The following LYRM7 variants were observed in gnomAD, a reference collection of about 807,000 sequenced individuals.
The protein encoded by LYRM7 is LYR motif containing 7, also known as complex III assembly factor LYRM7.
Under a neutral mutation model 15.8 loss-of-function variants are expected in LYRM7, and 9 were observed. The observed-to-expected ratio is 0.57, with a 90% CI of 0.34 to 0.99. LYRM7 has a LOEUF of 0.99. Ranked by LOEUF, LYRM7 falls within the 50% of genes least tolerant of loss-of-function variation. The probability of loss-of-function intolerance (pLI) is 0.02; values close to 1 mark genes in which losing one functional copy is unlikely to be tolerated. For missense variants in LYRM7, 115 were observed against 119.1 expected, an observed-to-expected ratio of 0.97 and a Z score of 0.16; for synonymous variants, 39 against 39.4, an observed-to-expected ratio of 0.99 and a Z score of 0.04.
intron 4 of LYRM7, among the ~76,000 whole-genome samples, chr5:131,188,409 T>TTA (rs1561546644): frequency 7.7e-6 from 1 of 129,456 alleles, no homozygotes; most frequent in African/African-American, 2.9e-5. Context: ...AAGCCACATG[T>TTA]AAAAAAAAAA....
chr5:131,176,925 C>T (rs1324803429), intron 1 of LYRM7, among the ~76,000 whole-genome samples: 1 of 152,090 alleles, frequency 6.6e-6, no homozygotes, highest in Non-Finnish European at 1.5e-5. Flanking sequence ...TATATATACA[C>T]CACATTTTCT....
Position 131,201,979 on chromosome 5 carries a change from A to G in LYRM7, c.*2378A>G, listed in dbSNP as rs1756077028. ...CTCCCAAATAGCTGAGACTAGAGGT[A>G]TGCGCCACCACACCTAGCTATTTTT... On this transcript the variant is annotated 3_prime_UTR_variant, in exon 5 of 5. Coordinates refer to ENST00000379380, the MANE Select transcript of LYRM7 (RefSeq NM_181705.4). The G allele has an allele frequency of 6.6e-6, 1 of 152,014 alleles. No homozygotes were observed. The highest frequency in any genetic ancestry group is 1.5e-5 in the Non-Finnish European group (1 of 68,024). 9.4% of individuals were successfully genotyped at this position (152,014 alleles called of 1,614,324 possible). A position where few individuals can be genotyped will look rare whatever the true frequency, so the allele number is the denominator to read the frequency against.
intron 4 of LYRM7, among the ~76,000 whole-genome samples, chr5:131,187,477 G>A (rs558326801): frequency 2.1e-5 from 3 of 143,308 alleles, no homozygotes; most frequent in Non-Finnish European, 4.6e-5. Flanking sequence ...TTGTTTTTTT[G>A]TTTTTGTTTT....
intron 4 of LYRM7, among the ~76,000 whole-genome samples, chr5:131,190,646 A>G (rs1188837010): frequency 6.6e-6 from 1 of 151,706 alleles, no homozygotes; most frequent in Non-Finnish European, 1.5e-5. Flanking sequence ...GCTTGCCACC[A>G]CGCCCAGCTA....
At chr5:131,177,719 C>T (rs1475916439) in intron 1 of LYRM7, among the ~76,000 whole-genome samples, 1 of 152,110 alleles carries the variant, frequency 6.6e-6, no homozygotes, top group African/African-American at 2.4e-5. Flanking sequence ...TGGTGGAACC[C>T]TTTCTATCTT....
Position 131,187,076 on chromosome 5 carries a change from A to T in LYRM7, c.211A>T (p.Ile71Leu). The T allele has an allele frequency of 6.4e-7, 1 of 1,564,118 alleles. No homozygotes were observed. The highest frequency in any genetic ancestry group is 1.2e-5 in the South Asian group (1 of 85,686). ...TGAATTATTACTCAGAACATCTGTT[A>T]TACAAGGTATTCACACAGACCACAA... is the stretch of plus-strand genomic sequence containing the variant. Reference protein sequence around the residue: ...DVELLLRTSVIQGIHTDHNTL... With the variant: ...DVELLLRTSVLQGIHTDHNTL... The change falls in exon 4 of 5, where the codon ATA becomes TTA. Residue 71 changes from isoleucine to leucine, a missense_variant. Transcript: ENST00000379380.
At chr5:131,185,742 A>G (rs1440426455) in intron 3 of LYRM7, among the ~76,000 whole-genome samples, 2 of 152,192 alleles carry the variant, frequency 1.3e-5, no homozygotes, top group South Asian at 4.1e-4. Flanking sequence ...GCAGTGAGTT[A>G]TGATTACACC....
Position 131,184,646 on chromosome 5 carries a change from G to GGC in LYRM7, c.162+2348_162+2349insCG, listed in dbSNP as rs879828866. 4.2e-4 allele frequency among the ~76,000 whole-genome samples: 61 copies of GGC among 144,412 alleles called. 2 individuals carry two copies. The highest frequency in any genetic ancestry group is 1.5e-3 in the Admixed American group (22 of 15,098). 94.7% of individuals were successfully genotyped at this position (144,412 alleles called of 152,430 possible). ...CAAATGGAATTTTTTTTGGCGGGGG[G>GGC]GGGGTTCCAGGATTCATGCAGACCA... On this transcript the variant is annotated intron_variant, in intron 3 of 4. Transcript: ENST00000379380.
intron 1 of LYRM7, among the ~76,000 whole-genome samples, chr5:131,172,298 C>T (rs983576169): frequency 2.6e-5 from 4 of 152,244 alleles, no homozygotes; most frequent in Admixed American, 1.3e-4. Context: ...CCTGTAATCC[C>T]GCTACTCGGG....
At chr5:131,189,911 TC>T in intron 4 of LYRM7, among the ~76,000 whole-genome samples, 1 of 152,160 alleles carries the variant, frequency 6.6e-6, no homozygotes, top group South Asian at 2.1e-4. Context: ...GGTGGGCAAA[TC>T]ACCTGAGCTC....
chr5:131,201,104 A>G lies in LYRM7; in HGVS notation c.*1503A>G, dbSNP rs1326301263. On this transcript the variant is annotated 3_prime_UTR_variant, in exon 5 of 5. Coordinates refer to ENST00000379380, the MANE Select transcript of LYRM7 (RefSeq NM_181705.4). ...GCTGAGGCGGGCAGATCACAAGGTC[A>G]GGAGTTCGAGACCAGCCTGGCCAAT... The G allele has an allele frequency of 6.6e-6, 1 of 151,680 alleles. No individual in the cohort carries two copies. Among genetic ancestry groups the G allele is most frequent in the Non-Finnish European group, 1.5e-5 (1 of 67,938 alleles). 9.4% of individuals were successfully genotyped at this position (151,680 alleles called of 1,614,324 possible). A position where few individuals can be genotyped will look rare whatever the true frequency, so the allele number is the denominator to read the frequency against.
intron 4 of LYRM7, among the ~76,000 whole-genome samples, chr5:131,192,071 A>G (rs889203469): frequency 7.1e-5 from 10 of 141,352 alleles, no homozygotes; most frequent in Non-Finnish European, 1.2e-4. Flanking sequence ...ACACACACAC[A>G]CACACACACA....
rs1756153274 is a variant in LYRM7 at position 131,204,983 on chromosome 5, CAAT to C, written c.*5385_*5387del. ...ATATCAACATGTAAGTGTTAAAAGACAATAAGCTACTAGTGATTTTTAATATAA... is the reference window on the plus strand; with the variant it reads ...ATATCAACATGTAAGTGTTAAAAGACAAGCTACTAGTGATTTTTAATATAA... On this transcript the variant is annotated 3_prime_UTR_variant, in exon 5 of 5. Coordinates refer to ENST00000379380, the MANE Select transcript of LYRM7 (RefSeq NM_181705.4). 1 of 152,108 alleles carries C rather than the reference CAAT, an allele frequency of 6.6e-6. No individual in the cohort carries two copies. Among genetic ancestry groups the C allele is most frequent in the Non-Finnish European group, 1.5e-5 (1 of 67,970 alleles). The allele number at this position is 152,108 out of a possible 1,614,324, so 9.4% of individuals were successfully genotyped here.
At chr5:131,198,749 T>TC (rs1338408159) in intron 4 of LYRM7, among the ~76,000 whole-genome samples, 2 of 150,452 alleles carry the variant, frequency 1.3e-5, no homozygotes, top group African/African-American at 4.9e-5. Context: ...TTTTTTTTTT[T>TC]CAGTAGAGAT....
At position 131,204,510 on chromosome 5, in the gene LYRM7, A is replaced by G. The variant is rs1756137831; in HGVS notation, c.*4909A>G. On this transcript the variant is annotated 3_prime_UTR_variant, in exon 5 of 5. Transcript: ENST00000379380. ...CACACACACACACACACACACACAC[A>G]CACAGTTTGGGTATCCCTAATCCAG... 1 of 149,880 alleles carries G rather than the reference A, an allele frequency of 6.7e-6. No individual in the cohort carries two copies. The highest frequency in any genetic ancestry group is 2.5e-5 in the African/African-American group (1 of 40,048). 9.3% of individuals were successfully genotyped at this position (149,880 alleles called of 1,614,324 possible).
chr5:131,193,842 T>C (rs1029156318), intron 4 of LYRM7, among the ~76,000 whole-genome samples: 1 of 152,078 alleles, frequency 6.6e-6, no homozygotes, highest in Non-Finnish European at 1.5e-5. Flanking sequence ...AAACCTCATC[T>C]CTACTAAAAA....
rs563160487 is a variant in LYRM7 at position 131,204,925 on chromosome 5, C to T, written c.*5324C>T. ...TAAGTGAGAACTTTTATTCTATTTA[C>T]TCCTGCACGTTTAAATATTGTTTAC... On this transcript the variant is annotated 3_prime_UTR_variant, in exon 5 of 5. Coordinates refer to ENST00000379380, the MANE Select transcript of LYRM7 (RefSeq NM_181705.4). 5.3e-5 allele frequency: 8 copies of T among 152,334 alleles called. No homozygotes were observed. Among genetic ancestry groups the T allele is most frequent in the African/African-American group, 1.9e-4 (8 of 41,536 alleles). 9.4% of individuals were successfully genotyped at this position (152,334 alleles called of 1,614,324 possible).
chr5:131,191,130 TTAA>T (rs1220396302), intron 4 of LYRM7, among the ~76,000 whole-genome samples: 3 of 151,906 alleles, frequency 2.0e-5, no homozygotes, highest in Non-Finnish European at 2.9e-5. Flanking sequence ...ACATATTGCC[TTAA>T]TAATAGCCTC....
At chr5:131,186,971 G>A (rs1029923518) in intron 3 of LYRM7, 57 bp from the exon 4 acceptor site, 34 of 956,844 alleles carry the variant, frequency 3.6e-5, no homozygotes, top group Non-Finnish European at 5.4e-5. Flanking sequence ...TTCAAAAACA[G>A]TACATTCATA....
Sources: allele counts gnomAD v4.1 joint callset (sites outside exome capture counted in the v4.1 genomes callset), GRCh38; gene constraint gnomAD v4.1.1; transcripts MANE v1.5; gene names NCBI Gene and HGNC (gene_info 2026-07-23, HGNC 2026-07-21).